The following DOK6 variants were observed in gnomAD, a reference collection of about 807,000 sequenced individuals.
The protein encoded by DOK6 is docking protein 6.
Under a neutral mutation model 44.0 loss-of-function variants are expected in DOK6, and 22 were observed. That is an observed-to-expected ratio of 0.50 (90% CI 0.36 to 0.71). The LOEUF (loss-of-function observed/expected upper bound fraction) is 0.71. DOK6 is among the 30% of genes least tolerant of loss of function. The probability of loss-of-function intolerance (pLI) is 0.00; values close to 1 mark genes in which losing one functional copy is unlikely to be tolerated. For synonymous variants in DOK6, 166 were observed against 145.5 expected (o/e 1.14, Z -1.01); for missense variants, 340 against 416.4 (o/e 0.82, Z 1.60).
intron 1 of DOK6, among the ~76,000 whole-genome samples, chr18:69,493,227 T>G (rs534673461): frequency 1.3e-5 from 2 of 152,342 alleles, no homozygotes; most frequent in South Asian, 2.1e-4. Flanking sequence ...ATTACCTTAT[T>G]TAATCCCTTT....
chr18:69,754,066 C>T (rs1348935958), intron 6 of DOK6, among the ~76,000 whole-genome samples: 3 of 151,932 alleles, frequency 2.0e-5, no homozygotes, highest in Non-Finnish European at 2.9e-5. Flanking sequence ...TGATGCATTG[C>T]TTTTTCAATG....
intron 5 of DOK6, among the ~76,000 whole-genome samples, chr18:69,701,037 T>C (rs1162450252): frequency 6.6e-6 from 1 of 152,272 alleles, no homozygotes; most frequent in East Asian, 1.9e-4. Context: ...ATTGGATATG[T>C]CAAAATACTT....
intron 1 of DOK6, among the ~76,000 whole-genome samples, chr18:69,476,518 G>C (rs932136843): frequency 6.6e-6 from 1 of 151,630 alleles, no homozygotes; most frequent in Non-Finnish European, 1.5e-5. Context: ...CTCAGAAGGA[G>C]GGATTAGAGA....
At chr18:69,529,027 G>A (rs1315828387) in intron 1 of DOK6, among the ~76,000 whole-genome samples, 3 of 152,050 alleles carry the variant, frequency 2.0e-5, no homozygotes, top group Non-Finnish European at 4.4e-5. Context: ...CAATGAATAC[G>A]GTTTCTTGGT....
At chr18:69,804,361 A>G (rs895812204) in intron 7 of DOK6, among the ~76,000 whole-genome samples, 13 of 152,108 alleles carry the variant, frequency 8.5e-5, no homozygotes, top group African/African-American at 2.4e-4. Flanking sequence ...GGTTTAGAAA[A>G]TCTCCTTTCA....
chr18:69,656,955 A>T lies in DOK6; in HGVS notation c.290-20779A>T, dbSNP rs906834431. Reference sequence around the variant, plus strand: ...TCTAACAACCCTCCAGGTATTTCTAATGCATAATAAAGTCTGAGGTGCTCT... The same window carrying T: ...TCTAACAACCCTCCAGGTATTTCTATTGCATAATAAAGTCTGAGGTGCTCT... On this transcript the variant is annotated intron_variant, in intron 3 of 7. Coordinates refer to ENST00000382713, the MANE Select transcript of DOK6 (RefSeq NM_152721.6). Among the ~76,000 whole-genome samples, 3 of 152,322 alleles carry T rather than the reference A, an allele frequency of 2.0e-5. No homozygotes were observed. In the East Asian group the frequency reaches 5.8e-4, roughly 29 times the overall value.
At chr18:69,489,930 A>G (rs1380717338) in intron 1 of DOK6, among the ~76,000 whole-genome samples, 1 of 151,686 alleles carries the variant, frequency 6.6e-6, no homozygotes, top group Non-Finnish European at 1.5e-5. Flanking sequence ...AAAATTCTAA[A>G]AAAAAAAAAA....
At chr18:69,719,063 C>T (rs4321290) in intron 5 of DOK6, among the ~76,000 whole-genome samples, 3,038 of 152,268 alleles carry the variant, frequency 0.02, 102 homozygotes, top group African/African-American at 0.07. Flanking sequence ...TGGGTTCTTG[C>T]TCTTGGCACA....
chr18:69,494,692 G>T (rs983884644), intron 1 of DOK6, among the ~76,000 whole-genome samples: 39 of 151,990 alleles, frequency 2.6e-4, no homozygotes, highest in African/African-American at 8.9e-4. Flanking sequence ...TAAATATATT[G>T]GTATGGGGCA....
At position 69,536,851 on chromosome 18, in the gene DOK6, A is replaced by C. The variant is rs190009733; in HGVS notation, c.67-27636A>C. The stretch of plus-strand genomic sequence containing the variant: ...GTCTAAGTTGTTTGGTAAACTGGCC[A>C]ATATCATGTAGCTGGTTAGTGACTG... On this transcript the variant is annotated intron_variant, in intron 1 of 7. Transcript: ENST00000382713. Among the ~76,000 whole-genome samples, 4 of 152,108 alleles carry C rather than the reference A, an allele frequency of 2.6e-5. No individual in the cohort carries two copies. In the South Asian group the frequency reaches 8.3e-4, roughly 32 times the overall value.
intron 7 of DOK6, among the ~76,000 whole-genome samples, chr18:69,811,182 T>A (rs1299608242): frequency 6.6e-6 from 1 of 151,922 alleles, no homozygotes; most frequent in African/African-American, 2.4e-5. Context: ...CAATATTATG[T>A]TAAGTGAAAT....
intron 1 of DOK6, among the ~76,000 whole-genome samples, chr18:69,464,807 A>C (rs919539375): frequency 6.6e-6 from 1 of 152,238 alleles, no homozygotes; most frequent in African/African-American, 2.4e-5. Flanking sequence ...ACTTCAAATT[A>C]GTCTAGGAAA....
At chr18:69,459,628 A>C (rs987544256) in intron 1 of DOK6, among the ~76,000 whole-genome samples, 2 of 152,196 alleles carry the variant, frequency 1.3e-5, no homozygotes, top group Non-Finnish European at 2.9e-5. Context: ...ATTGTTATAG[A>C]AAGTACTGCC....
intron 4 of DOK6, among the ~76,000 whole-genome samples, chr18:69,690,738 C>T (rs1412835670): frequency 2.0e-5 from 3 of 152,108 alleles, no homozygotes; most frequent in African/African-American, 7.2e-5. Context: ...AGCATTAGTC[C>T]AGTTTTTCTA....
At chr18:69,821,177 G>A (rs17799566) in intron 7 of DOK6, among the ~76,000 whole-genome samples, 19,949 of 152,124 alleles carry the variant, frequency 0.13, 1,455 homozygotes, top group African/African-American at 0.15. Flanking sequence ...CTAGAATCCT[G>A]AGAAAAGTCA....
chr18:69,608,906 C>T (rs1189940839), intron 3 of DOK6, among the ~76,000 whole-genome samples: 27 of 138,798 alleles, frequency 1.9e-4, no homozygotes, highest in Admixed American at 9.4e-4. Context: ...GCCGAGATGG[C>T]GCCACTGCCT....
At chr18:69,637,140 C>T (rs892054465) in intron 3 of DOK6, among the ~76,000 whole-genome samples, 8 of 152,216 alleles carry the variant, frequency 5.3e-5, no homozygotes. Flanking sequence ...TGTGATCTGT[C>T]TTAACCAGGT....
chr18:69,710,164 G>C (rs1019112649), intron 5 of DOK6, among the ~76,000 whole-genome samples: 3 of 152,146 alleles, frequency 2.0e-5, no homozygotes, highest in Non-Finnish European at 4.4e-5. Context: ...GGTCAACAGA[G>C]TGAGACCCTG....
chr18:69,509,651 A>C (rs1029917806), intron 1 of DOK6, among the ~76,000 whole-genome samples: 37 of 148,796 alleles, frequency 2.5e-4, no homozygotes, highest in Middle Eastern at 3.5e-3. Context: ...AAAAAAAAAA[A>C]AAAAAAAAAA....
Sources: allele counts gnomAD v4.1 joint callset (sites outside exome capture counted in the v4.1 genomes callset), GRCh38; gene constraint gnomAD v4.1.1; transcripts MANE v1.5; gene names NCBI Gene and HGNC (gene_info 2026-07-23, HGNC 2026-07-21).